The following GALNT17 variants were observed in gnomAD, a reference collection of about 807,000 sequenced individuals.
GALNT17 encodes the protein UDP-GalNAc:polypeptide N-acetylgalactosaminyltransferase-like 3.
GALNT17 carries 29 observed loss-of-function variants against 63.7 expected under a neutral mutation model. The ratio of observed to expected loss-of-function variants is 0.46; its 90% CI spans 0.34 to 0.62. The LOEUF (loss-of-function observed/expected upper bound fraction) is 0.62. Ranked by LOEUF, GALNT17 falls within the 20% of genes least tolerant of loss-of-function variation. GALNT17 has a pLI of 0.01. For missense variants in GALNT17, 603 were observed against 799.6 expected, an observed-to-expected ratio of 0.75 and a Z score of 2.97; for synonymous variants, 305 against 318.3, an observed-to-expected ratio of 0.96 and a Z score of 0.45.
intron 9 of GALNT17, among the ~76,000 whole-genome samples, chr7:71,694,931 G>C (rs1461340115): frequency 6.6e-6 from 1 of 152,228 alleles, no homozygotes. Context: ...GCCAGTGCTT[G>C]CTAGCACGTC....
chr7:71,273,998 G>A (rs1420136681), intron 1 of GALNT17, among the ~76,000 whole-genome samples: 1 of 152,344 alleles, frequency 6.6e-6, no homozygotes, highest in East Asian at 1.9e-4. Flanking sequence ...AGCATAGCAT[G>A]TGCCACACTG....
intron 5 of GALNT17, among the ~76,000 whole-genome samples, chr7:71,509,810 G>C (rs116153445): frequency 6.6e-6 from 1 of 152,162 alleles, no homozygotes; most frequent in Non-Finnish European, 1.5e-5. Flanking sequence ...ACCTGCCGGA[G>C]ATCCCCAGAG....
At chr7:71,159,552 T>C (rs1297216125) in intron 1 of GALNT17, among the ~76,000 whole-genome samples, 1 of 150,546 alleles carries the variant, frequency 6.6e-6, no homozygotes, top group African/African-American at 2.5e-5. Context: ...AATATAATTA[T>C]GCAATTATAT....
intron 9 of GALNT17, among the ~76,000 whole-genome samples, chr7:71,694,241 C>T (rs473362): frequency 0.79 from 119,572 of 152,006 alleles, 49,198 homozygotes; most frequent in East Asian, 0.99. Flanking sequence ...CCACTTGGTC[C>T]CTCCCACAAA....
intron 5 of GALNT17, among the ~76,000 whole-genome samples, chr7:71,459,453 G>A (rs894616521): frequency 3.3e-5 from 5 of 152,168 alleles, no homozygotes; most frequent in African/African-American, 1.2e-4. Context: ...GAAAATTTCA[G>A]GCTGAGGACT....
chr7:71,364,282 T>C (rs1478972915), intron 2 of GALNT17, among the ~76,000 whole-genome samples: 1 of 152,226 alleles, frequency 6.6e-6, no homozygotes, highest in Non-Finnish European at 1.5e-5. Flanking sequence ...TTTGGTGTTC[T>C]GCCTTCCTCA....
In GALNT17 at chr7:71,651,306, G is replaced by A. The variant is rs148426791; in HGVS notation, c.1081-14105G>A. On this transcript the variant is annotated intron_variant, in intron 6 of 10. Transcript: ENST00000333538. ...CATGCCTGATCCAGGCTACTTTTTA[G>A]GCTTTTTTTTTTTTTGAGATGGAGT... is the stretch of plus-strand genomic sequence containing the variant. 7.9e-3 allele frequency among the ~76,000 whole-genome samples: 1,132 copies of A among 144,082 alleles called. 22 individuals carry two copies. Among genetic ancestry groups the A allele is most frequent in the African/African-American group, 0.026 (1,044 of 40,188 alleles). 94.5% of individuals were successfully genotyped at this position (144,082 alleles called of 152,430 possible). A position where few individuals can be genotyped will look rare whatever the true frequency, so the allele number is the denominator to read the frequency against.
At chr7:71,615,413 A>G (rs10807735) in intron 6 of GALNT17, among the ~76,000 whole-genome samples, 66,286 of 150,246 alleles carry the variant, frequency 0.44, 16,717 homozygotes, top group East Asian at 0.76. Flanking sequence ...CAGCCTGTGC[A>G]GTAAATTAAA....
At chr7:71,494,857 T>G (rs912527327) in intron 5 of GALNT17, among the ~76,000 whole-genome samples, 1 of 152,122 alleles carries the variant, frequency 6.6e-6, no homozygotes, top group Non-Finnish European at 1.5e-5. Context: ...CAGGAAAGCT[T>G]GTGCGGGGGA....
At chr7:71,500,633 G>A (rs1563138963) in intron 5 of GALNT17, among the ~76,000 whole-genome samples, 1 of 152,158 alleles carries the variant, frequency 6.6e-6, no homozygotes, top group Admixed American at 6.5e-5. Context: ...CCCACTGGCT[G>A]TCCTCCAAGC....
intron 2 of GALNT17, among the ~76,000 whole-genome samples, chr7:71,361,808 CAG>C (rs373972800): frequency 2.6e-4 from 38 of 146,772 alleles, no homozygotes; most frequent in Non-Finnish European, 3.3e-4. Flanking sequence ...GAGAGAGAGA[CAG>C]AGAGAGAGAG....
At chr7:71,656,989 G>C (rs190965933) in intron 6 of GALNT17, among the ~76,000 whole-genome samples, 1 of 152,196 alleles carries the variant, frequency 6.6e-6, no homozygotes, top group Non-Finnish European at 1.5e-5. Flanking sequence ...GGGCACCCAG[G>C]GTTCTCAATT....
intron 5 of GALNT17, among the ~76,000 whole-genome samples, chr7:71,514,218 A>C (rs1292265678): frequency 2.0e-5 from 3 of 152,026 alleles, no homozygotes; most frequent in Non-Finnish European, 4.4e-5. Flanking sequence ...ACCAACAAAA[A>C]ACTGCATGAT....
intron 1 of GALNT17, among the ~76,000 whole-genome samples, chr7:71,290,171 C>T (rs1330197629): frequency 6.6e-6 from 1 of 152,200 alleles, no homozygotes; most frequent in Non-Finnish European, 1.5e-5. Context: ...AGAACATTAT[C>T]ATCACCCCAA....
intron 9 of GALNT17, among the ~76,000 whole-genome samples, chr7:71,694,462 A>G (rs952578167): frequency 2.0e-5 from 3 of 151,112 alleles, no homozygotes; most frequent in African/African-American, 4.9e-5. Flanking sequence ...GGTTTAAGCA[A>G]TTCTCCTGCT....
chr7:71,411,974 T>A (rs565897634), intron 3 of GALNT17, among the ~76,000 whole-genome samples: 1 of 152,296 alleles, frequency 6.6e-6, no homozygotes, highest in Admixed American at 6.5e-5. Flanking sequence ...ACTGGTGTCA[T>A]AGGAGCATTA....
At chr7:71,617,775 T>C (rs1790236340) in intron 6 of GALNT17, among the ~76,000 whole-genome samples, 1 of 152,050 alleles carries the variant, frequency 6.6e-6, no homozygotes, top group African/African-American at 2.4e-5. Context: ...CCCGAATAGG[T>C]GGGACTACAG....
chr7:71,490,868 C>G (rs540127581), intron 5 of GALNT17, among the ~76,000 whole-genome samples: 1 of 152,182 alleles, frequency 6.6e-6, no homozygotes, highest in Admixed American at 6.6e-5. Flanking sequence ...CCACTGCACT[C>G]CAGCCTAGGT....
rs1326184907 is a variant in GALNT17, at chr7:71,693,261, CAT to C, written c.1500+15957_1500+15958del. ...ATACACATATATATACACACACACA[CAT>C]ACACACACACACACACACACACACA... On this transcript the variant is annotated intron_variant, in intron 9 of 10. Coordinates refer to ENST00000333538, the MANE Select transcript of GALNT17 (RefSeq NM_022479.3). 4.7e-4 allele frequency among the ~76,000 whole-genome samples: 40 copies of C among 84,892 alleles called. 2 individuals carry two copies. Among genetic ancestry groups the C allele is most frequent in the African/African-American group, 1.2e-3 (34 of 28,274 alleles). The allele number at this position is 84,892 out of a possible 152,430, so 55.7% of individuals were successfully genotyped here. A position where few individuals can be genotyped will look rare whatever the true frequency, so the allele number is the denominator to read the frequency against.
Sources: gnomAD v4.1 joint callset for allele counts (sites outside exome capture counted in the v4.1 genomes callset) on GRCh38, gnomAD v4.1.1 for gene constraint, MANE v1.5 for transcripts, NCBI Gene and HGNC (gene_info 2026-07-23, HGNC 2026-07-21) for gene names.